KCTD8: variants seen among roughly 807,000 people sequenced by gnomAD.
KCTD8 encodes potassium channel tetramerization domain containing 8, also known as BTB/POZ domain-containing protein KCTD8.
In KCTD8, 27 loss-of-function variants were observed where a neutral mutation model predicts 31.5. That is an observed-to-expected ratio of 0.86 (90% CI 0.63 to 1.18). The LOEUF (loss-of-function observed/expected upper bound fraction) is 1.18. KCTD8 is among the 50% of genes most tolerant of loss of function. The pLI, the probability that KCTD8 is intolerant of heterozygous loss-of-function variation, is 0.00. For synonymous variants in KCTD8, 290 were observed against 280.0 expected, an observed-to-expected ratio of 1.04 and a Z score of -0.36; for missense variants, 658 against 647.7, an observed-to-expected ratio of 1.02 and a Z score of -0.17.
intron 1 of KCTD8, among the ~76,000 whole-genome samples, chr4:44,446,494 T>A (rs940767138): frequency 6.6e-6 from 1 of 152,126 alleles, no homozygotes; most frequent in African/African-American, 2.4e-5. Context: ...TTTCACTTCA[T>A]AAACGCCACT....
intron 1 of KCTD8, among the ~76,000 whole-genome samples, chr4:44,285,478 G>A (rs1041000923): frequency 3.9e-5 from 6 of 152,030 alleles, no homozygotes; most frequent in African/African-American, 1.2e-4. Context: ...GTAGGGGGTC[G>A]GGGTGTAGGG....
intron 1 of KCTD8, among the ~76,000 whole-genome samples, chr4:44,384,982 A>T (rs1720171713): frequency 6.7e-6 from 1 of 149,212 alleles, no homozygotes; most frequent in African/African-American, 2.6e-5. Context: ...AGAAGAATAT[A>T]GACCAAAAAA....
chr4:44,218,151 TGAGATGGCGTC>T (rs1714704460), intron 1 of KCTD8, among the ~76,000 whole-genome samples: 1 of 122,896 alleles, frequency 8.1e-6, no homozygotes, highest in Non-Finnish European at 1.7e-5. Flanking sequence ...TTTTTTTTTT[TGAGATGGCGTC>T]TTGCTCTGTC....
At chr4:44,236,969 C>T (rs73811980) in intron 1 of KCTD8, among the ~76,000 whole-genome samples, 62 of 152,302 alleles carry the variant, frequency 4.1e-4, no homozygotes, top group African/African-American at 1.1e-3. Flanking sequence ...GATGTGCCTT[C>T]GCCTTCCACC....
intron 1 of KCTD8, among the ~76,000 whole-genome samples, chr4:44,294,944 C>A (rs980466656): frequency 2.0e-5 from 3 of 151,936 alleles, no homozygotes; most frequent in Admixed American, 6.6e-5. Flanking sequence ...CACCAATGAA[C>A]TAGAAGAAGG....
At chr4:44,378,372 A>G (rs1719972788) in intron 1 of KCTD8, among the ~76,000 whole-genome samples, 1 of 151,230 alleles carries the variant, frequency 6.6e-6, no homozygotes, top group African/African-American at 2.4e-5. Context: ...TGACAAATTA[A>G]TGGGTGCAGC....
chr4:44,439,904 ATTTATTTATT>A (rs1560455390), intron 1 of KCTD8, among the ~76,000 whole-genome samples: 27 of 106,984 alleles, frequency 2.5e-4, no homozygotes, highest in South Asian at 2.4e-3. Flanking sequence ...ATTTATTTTT[ATTTATTTATT>A]TATTTATTTA....
intron 1 of KCTD8, among the ~76,000 whole-genome samples, chr4:44,376,381 AG>A (rs1719916831): frequency 2.0e-5 from 3 of 152,162 alleles, no homozygotes; most frequent in South Asian, 4.1e-4. Context: ...ATTTGCAAAA[AG>A]GTTGTAGGGC....
chr4:44,420,876 C>T (rs966004502), intron 1 of KCTD8, among the ~76,000 whole-genome samples: 18 of 151,650 alleles, frequency 1.2e-4, no homozygotes, highest in African/African-American at 3.9e-4. Flanking sequence ...AATAAAGACT[C>T]GAACGAAGTT....
intron 1 of KCTD8, among the ~76,000 whole-genome samples, chr4:44,333,758 T>C (rs972642243): frequency 5.9e-5 from 9 of 152,000 alleles, no homozygotes; most frequent in Admixed American, 3.9e-4. Context: ...GAGTAATATA[T>C]GAAGATGGAC....
chr4:44,215,624 A>G (rs1714625573), intron 1 of KCTD8, among the ~76,000 whole-genome samples: 1 of 152,224 alleles, frequency 6.6e-6, no homozygotes, highest in African/African-American at 2.4e-5. Context: ...CTTAACAGAT[A>G]AAACTGCATG....
intron 1 of KCTD8, among the ~76,000 whole-genome samples, chr4:44,309,810 T>C (rs762463460): frequency 6.6e-6 from 1 of 152,140 alleles, no homozygotes; most frequent in Non-Finnish European, 1.5e-5. Flanking sequence ...TTTTGTGTTT[T>C]TGATTCTAAG....
intron 1 of KCTD8, among the ~76,000 whole-genome samples, chr4:44,249,595 T>C (rs932742922): frequency 6.6e-6 from 1 of 151,760 alleles, no homozygotes; most frequent in Non-Finnish European, 1.5e-5. Context: ...AAAATTTTAT[T>C]TACACAAACA....
intron 1 of KCTD8, among the ~76,000 whole-genome samples, chr4:44,226,654 C>A (rs755792462): frequency 6.6e-6 from 1 of 152,168 alleles, no homozygotes; most frequent in Non-Finnish European, 1.5e-5. Flanking sequence ...TATACTCCCA[C>A]CAACAGTGTA....
At chr4:44,242,441 G>C (rs1175163633) in intron 1 of KCTD8, among the ~76,000 whole-genome samples, 1 of 152,058 alleles carries the variant, frequency 6.6e-6, no homozygotes. Context: ...AGCTGGGCGC[G>C]GTGGCTGGCT....
At chr4:44,229,696 CT>C (rs140239650) in intron 1 of KCTD8, among the ~76,000 whole-genome samples, 28 of 151,402 alleles carry the variant, frequency 1.8e-4, no homozygotes, top group African/African-American at 5.1e-4. Flanking sequence ...GTTCTAAAGC[CT>C]TTTTTTTTCT....
At chr4:44,281,331 C>T (rs768991532) in intron 1 of KCTD8, among the ~76,000 whole-genome samples, 2 of 152,180 alleles carry the variant, frequency 1.3e-5, no homozygotes, top group African/African-American at 2.4e-5. Flanking sequence ...ATATGGAATG[C>T]ACCTTAATGG....
intron 1 of KCTD8, among the ~76,000 whole-genome samples, chr4:44,323,510 A>AC (rs1560426280): frequency 5.5e-5 from 1 of 18,328 alleles, no homozygotes; most frequent in Non-Finnish European, 1.6e-4. Flanking sequence ...ACCCCCCCCC[A>AC]AAAAAAATTA....
intron 1 of KCTD8, among the ~76,000 whole-genome samples, chr4:44,191,939 C>A (rs1209704629): frequency 2.0e-5 from 3 of 152,066 alleles, no homozygotes; most frequent in Non-Finnish European, 4.4e-5. Flanking sequence ...TCATACACCC[C>A]CTCCCTTTTT....
Sources: allele counts gnomAD v4.1 joint callset (sites outside exome capture counted in the v4.1 genomes callset), GRCh38; gene constraint gnomAD v4.1.1; transcripts MANE v1.5; gene names NCBI Gene and HGNC (gene_info 2026-07-23, HGNC 2026-07-21).